TNFAIP8: variants seen among roughly 807,000 people sequenced by gnomAD.
The protein encoded by TNFAIP8 is tumor necrosis factor alpha-induced protein 8.
Under a neutral mutation model 13.3 loss-of-function variants are expected in TNFAIP8, and 7 were observed. The ratio of observed to expected loss-of-function variants is 0.52; its 90% CI spans 0.30 to 0.99. TNFAIP8 has a LOEUF of 0.99. Among genes scored for constraint, TNFAIP8 ranks in the 50% least tolerant of loss-of-function variants. TNFAIP8 has a pLI of 0.07. For missense variants in TNFAIP8, 258 were observed against 236.9 expected, an observed-to-expected ratio of 1.09 and a Z score of -0.58; for synonymous variants, 94 against 87.6, an observed-to-expected ratio of 1.07 and a Z score of -0.41.
chr5:119,323,352 G>A (rs140558332), intron 1 of TNFAIP8, among the ~76,000 whole-genome samples: 93 of 152,130 alleles, frequency 6.1e-4, no homozygotes, highest in Non-Finnish European at 9.7e-4. Context: ...GGAGTTTCTC[G>A]GAAATATCTG....
intron 1 of TNFAIP8, among the ~76,000 whole-genome samples, chr5:119,300,695 C>T (rs1283275262): frequency 1.3e-5 from 2 of 152,180 alleles, no homozygotes; most frequent in East Asian, 1.9e-4. Context: ...GAATAACTTG[C>T]CTGAGATCCA....
chr5:119,282,759 A>T (rs1748672009), intron 1 of TNFAIP8, among the ~76,000 whole-genome samples: 1 of 152,110 alleles, frequency 6.6e-6, no homozygotes, highest in African/African-American at 2.4e-5. Flanking sequence ...GGTGCCAGGG[A>T]TTCCACCTGC....
chr5:119,351,796 C>CTTTTTTTT (rs59878292), upstream of TNFAIP8, among the ~76,000 whole-genome samples: 2 of 127,730 alleles, frequency 1.6e-5, no homozygotes, highest in Non-Finnish European at 3.4e-5. Context: ...TTCTTTTTTT[C>CTTTTTTTT]TTTTTTTTTT....
intron 1 of TNFAIP8, among the ~76,000 whole-genome samples, chr5:119,293,175 A>G (rs1355927402): frequency 6.6e-6 from 1 of 152,082 alleles, no homozygotes; most frequent in Non-Finnish European, 1.5e-5. Flanking sequence ...TAACACATGC[A>G]TTACGTCACA....
chr5:119,291,692 G>A (rs1748990313), intron 1 of TNFAIP8, among the ~76,000 whole-genome samples: 1 of 152,182 alleles, frequency 6.6e-6, no homozygotes, highest in Admixed American at 6.5e-5. Context: ...TTGGGGCAGA[G>A]TTTTTTCCCT....
intron 1 of TNFAIP8, among the ~76,000 whole-genome samples, chr5:119,341,977 C>T (rs1435646182): frequency 7.0e-6 from 1 of 143,220 alleles, no homozygotes; most frequent in Non-Finnish European, 1.5e-5. Flanking sequence ...CATTCTTCTC[C>T]CTACCCTTGT....
intron 1 of TNFAIP8, among the ~76,000 whole-genome samples, chr5:119,356,348 T>G (rs540443621): frequency 6.6e-6 from 1 of 152,264 alleles, no homozygotes; most frequent in South Asian, 2.1e-4. Context: ...AAGTCGGACC[T>G]AGTTCAGCCA....
intron 1 of TNFAIP8, among the ~76,000 whole-genome samples, chr5:119,291,296 G>C (rs1235091115): frequency 1.3e-5 from 2 of 152,160 alleles, no homozygotes; most frequent in East Asian, 1.9e-4. Flanking sequence ...ATAACTACCT[G>C]CTAGCTGCTT....
In TNFAIP8 at chr5:119,393,278, G is replaced by C; in HGVS notation, c.494G>C (p.Cys165Ser). 6.2e-7 allele frequency: 1 copy of C among 1,613,984 alleles called. No homozygotes were observed. Among genetic ancestry groups the C allele is most frequent in the Non-Finnish European group, 8.5e-7 (1 of 1,179,874 alleles). The change falls in exon 2 of 2, where the codon TGT becomes TCT. Residue 165 changes from cysteine to serine, a missense_variant. Transcript: ENST00000504771. Reference sequence around the variant, plus strand: ...AATGTGTTTGATCATTTTTCAGATTGTGAATTTTTGGCTGCCTTGTATAAT... The same window carrying C: ...AATGTGTTTGATCATTTTTCAGATTCTGAATTTTTGGCTGCCTTGTATAAT... ...VNNVFDHFSD[C>S]EFLAALYNPF... is the part of the protein sequence containing the mutation.
intron 1 of TNFAIP8, among the ~76,000 whole-genome samples, chr5:119,356,359 G>A (rs1751417650): frequency 6.6e-6 from 1 of 151,940 alleles, no homozygotes; most frequent in African/African-American, 2.4e-5. Flanking sequence ...AGTTCAGCCA[G>A]CCCACTAAGT....
rs1040880852 is a variant in TNFAIP8, at chr5:119,297,486, T to G, written c.1+28579T>G. Among the ~76,000 whole-genome samples, 140 of 152,362 alleles carry G rather than the reference T, an allele frequency of 9.2e-4. No homozygotes were observed. The Middle Eastern group carries it at 0.017, about 19-fold the overall frequency. On this transcript the variant is annotated intron_variant, in intron 1 of 1. Coordinates refer to the TNFAIP8 transcript ENST00000274456. ...GTCTGAGAGACAGTTTGTTATAATT[T>G]CTGTTCTTTTACATTTGCTGAGGAG...
intron 1 of TNFAIP8, among the ~76,000 whole-genome samples, chr5:119,299,100 C>G (rs1444039551): frequency 6.6e-6 from 1 of 152,228 alleles, no homozygotes; most frequent in Non-Finnish European, 1.5e-5. Context: ...GCTTTCTTCT[C>G]TCAACTCATC....
At chr5:119,391,032 T>C (rs1017660004) in intron 1 of TNFAIP8, among the ~76,000 whole-genome samples, 2 of 150,994 alleles carry the variant, frequency 1.3e-5, no homozygotes, top group African/African-American at 4.9e-5. Context: ...GGTTTTGCTA[T>C]GTTGCCCAGG....
chr5:119,386,482 G>C (rs112607676), intron 1 of TNFAIP8, among the ~76,000 whole-genome samples: 1 of 152,122 alleles, frequency 6.6e-6, no homozygotes, highest in African/African-American at 2.4e-5. Flanking sequence ...GAGTGCCTTA[G>C]ACAATTCCTA....
chr5:119,392,722 GA>G lies in TNFAIP8; in HGVS notation c.32-87del, dbSNP rs1214378502. 1.6e-5 allele frequency: 22 copies of G among 1,358,792 alleles called. No homozygotes were observed. In the Admixed American group the frequency reaches 1.7e-4, roughly 10 times the overall value. The allele number at this position is 1,358,792 out of a possible 1,614,324, so 84.2% of individuals were successfully genotyped here. The stretch of plus-strand genomic sequence containing the variant: ...AAACCACAAATGGTGGGAAAATGAG[GA>G]AAAAAAGTGCTCCCAAATACCTGTT... On this transcript the variant is annotated intron_variant, in intron 1 of 1. Coordinates refer to ENST00000504771, the MANE Select transcript of TNFAIP8 (RefSeq NM_014350.4).
At chr5:119,345,560 C>A (rs1196240564) in intron 1 of TNFAIP8, among the ~76,000 whole-genome samples, 2 of 152,142 alleles carry the variant, frequency 1.3e-5, no homozygotes, top group Non-Finnish European at 2.9e-5. Flanking sequence ...GACCTGCTAC[C>A]ATGTGGATGA....
rs1407494732 is a variant in TNFAIP8 at position 119,396,633 on chromosome 5, G to A, written c.*3252G>A. ...TTGGAGGCTCAAAATATTTGAGCAAGTTAAGTTAAGAAATAGCCTTTTTCT... is the reference window on the plus strand; with the variant it reads ...TTGGAGGCTCAAAATATTTGAGCAAATTAAGTTAAGAAATAGCCTTTTTCT... On this transcript the variant is annotated 3_prime_UTR_variant, in exon 2 of 2. Coordinates refer to ENST00000504771, the MANE Select transcript of TNFAIP8 (RefSeq NM_014350.4). The A allele has an allele frequency of 1.3e-5, 2 of 152,036 alleles. No individual in the cohort carries two copies. Among genetic ancestry groups the A allele is most frequent in the Non-Finnish European group, 2.9e-5 (2 of 68,032 alleles). 9.4% of individuals were successfully genotyped at this position (152,036 alleles called of 1,614,324 possible).
intron 1 of TNFAIP8, chr5:119,306,273 C>CTTGCT (rs1183470480): frequency 1.3e-5 from 2 of 151,538 alleles, no homozygotes; most frequent in African/African-American, 4.9e-5. Context: ...TTCTTTGATC[C>CTTGCT]TTGCTTTGCT....
chr5:119,376,313 C>A (rs967237881), intron 1 of TNFAIP8, among the ~76,000 whole-genome samples: 1 of 151,900 alleles, frequency 6.6e-6, no homozygotes, highest in Admixed American at 6.6e-5. Flanking sequence ...TGGGCTTTCA[C>A]CATGCTGGCC....
Sources: gnomAD v4.1 joint callset for allele counts (sites outside exome capture counted in the v4.1 genomes callset) on GRCh38, gnomAD v4.1.1 for gene constraint, MANE v1.5 for transcripts, NCBI Gene and HGNC (gene_info 2026-07-23, HGNC 2026-07-21) for gene names.